The following CFAP96 variants were observed in gnomAD, a reference collection of about 807,000 sequenced individuals.
CFAP96 encodes cilia and flagella associated protein 96.
At chr4:185,413,638 T>C in the CFAP96 span, 1 of 1,242,694 alleles carries the variant, frequency 8.0e-7, no homozygotes, top group Non-Finnish European at 1.1e-6. Context: ...GAATACATAA[T>C]GAATCAAGTC....
the CFAP96 span, among the ~76,000 whole-genome samples, chr4:185,433,746 A>G: frequency 2.0e-5 from 3 of 151,928 alleles, no homozygotes; most frequent in African/African-American, 7.3e-5. Context: ...TACTAAAAAT[A>G]TAAAAATTAG....
At chr4:185,443,921 C>T in the CFAP96 span, among the ~76,000 whole-genome samples, 34 of 82,802 alleles carry the variant, frequency 4.1e-4, no homozygotes, top group South Asian at 7.4e-4. Flanking sequence ...CTATATCTTT[C>T]TTTTTTTTTT....
At chr4:185,437,252 C>G in the CFAP96 span, among the ~76,000 whole-genome samples, 2 of 152,220 alleles carry the variant, frequency 1.3e-5, no homozygotes, top group Non-Finnish European at 1.5e-5. Flanking sequence ...GCATATGCCT[C>G]TTACACTCAC....
chr4:185,446,421 C>A, the CFAP96 span, among the ~76,000 whole-genome samples: 1 of 152,156 alleles, frequency 6.6e-6, no homozygotes, highest in Non-Finnish European at 1.5e-5. Flanking sequence ...GCTCATGAGA[C>A]TACTGAGAAG....
At chr4:185,424,664 GAAT>G in the CFAP96 span, among the ~76,000 whole-genome samples, 5 of 151,950 alleles carry the variant, frequency 3.3e-5, no homozygotes, top group African/African-American at 2.4e-5. Flanking sequence ...GTTAAATAAA[GAAT>G]ACTACCAAAC....
the CFAP96 span, chr4:185,425,748 A>C: frequency 1.4e-6 from 2 of 1,461,336 alleles, no homozygotes; most frequent in African/African-American, 1.4e-5. Context: ...CGCAGCTCGC[A>C]GCTGCCATCT....
chr4:185,448,658 C>T, the CFAP96 span, among the ~76,000 whole-genome samples: 1 of 152,100 alleles, frequency 6.6e-6, no homozygotes, highest in Non-Finnish European at 1.5e-5. Context: ...TTTTTCTATC[C>T]TTTTAACCTT....
At chr4:185,415,099 A>G in the CFAP96 span, 3 of 1,391,020 alleles carry the variant, frequency 2.2e-6, no homozygotes, top group Non-Finnish European at 2.9e-6. Context: ...ATAATTAAAT[A>G]CAAAATGAAT....
the CFAP96 span, among the ~76,000 whole-genome samples, chr4:185,433,667 C>G: frequency 6.6e-6 from 1 of 151,136 alleles, no homozygotes; most frequent in Non-Finnish European, 1.5e-5. Context: ...TTTGGGAGGC[C>G]GAGGCGGGCG....
At chr4:185,429,352 G>A in the CFAP96 span, 42 of 961,902 alleles carry the variant, frequency 4.4e-5, 1 homozygote, top group Admixed American at 7.6e-5. Flanking sequence ...TATAAAACAC[G>A]TGACCCTAGG....
chr4:185,449,624 T>C, the CFAP96 span: 1 of 1,543,736 alleles, frequency 6.5e-7, no homozygotes, highest in Admixed American at 2.0e-5. Context: ...CTACAAGACT[T>C]CTTCAGTACC....
chr4:185,427,138 C>T, the CFAP96 span, among the ~76,000 whole-genome samples: 3 of 152,144 alleles, frequency 2.0e-5, no homozygotes, highest in Non-Finnish European at 4.4e-5. Context: ...TTCCCTCCCT[C>T]CTCCCTGGCT....
chr4:185,439,547 A>G, the CFAP96 span, among the ~76,000 whole-genome samples: 1 of 152,076 alleles, frequency 6.6e-6, no homozygotes, highest in Non-Finnish European at 1.5e-5. Flanking sequence ...AAAAGTGAAA[A>G]AAGTATCAAT....
At chr4:185,436,595 A>C in the CFAP96 span, among the ~76,000 whole-genome samples, 1 of 151,914 alleles carries the variant, frequency 6.6e-6, no homozygotes, top group Admixed American at 6.6e-5. Context: ...CTGTAATCCC[A>C]GCTACTCAGG....
chr4:185,444,680 G>A, the CFAP96 span, among the ~76,000 whole-genome samples: 2 of 152,094 alleles, frequency 1.3e-5, no homozygotes, highest in Admixed American at 1.3e-4. Flanking sequence ...CTAACTAAGT[G>A]ATAGCCTAGT....
At chr4:185,433,179 T>C in the CFAP96 span, among the ~76,000 whole-genome samples, 6 of 152,116 alleles carry the variant, frequency 3.9e-5, no homozygotes, top group African/African-American at 1.4e-4. Flanking sequence ...GTCAATGTAA[T>C]GTTATATAAC....
the CFAP96 span, among the ~76,000 whole-genome samples, chr4:185,443,598 T>C: frequency 0.87 from 131,078 of 150,664 alleles, 57,479 homozygotes; most frequent in East Asian, 0.99. Flanking sequence ...ATCCACCTGA[T>C]TCGGCCTCCC....
At chr4:185,444,871 C>A in the CFAP96 span, 1 of 1,232,026 alleles carries the variant, frequency 8.1e-7, no homozygotes, top group Non-Finnish European at 1.1e-6. Flanking sequence ...ACCAACTCCA[C>A]AGACTACAAA....
the CFAP96 span, among the ~76,000 whole-genome samples, chr4:185,428,864 A>G: frequency 2.0e-5 from 3 of 152,152 alleles, no homozygotes; most frequent in Non-Finnish European, 4.4e-5. Context: ...TTGTAGGGTA[A>G]TACCTCAATG....
Sources: allele counts gnomAD v4.1 joint callset (sites outside exome capture counted in the v4.1 genomes callset), GRCh38; gene constraint gnomAD v4.1.1; transcripts MANE v1.5; gene names NCBI Gene and HGNC (gene_info 2026-07-23, HGNC 2026-07-21).